Variants in DYSF observed in about 807,000 individuals in gnomAD.
DYSF encodes the protein dystrophy-associated fer-1-like 1.
In DYSF, 212 loss-of-function variants were observed where a neutral mutation model predicts 274.9. The observed-to-expected ratio is 0.77, with a 90% CI of 0.69 to 0.86. The LOEUF (loss-of-function observed/expected upper bound fraction) is 0.86. Ranked by LOEUF, DYSF falls within the 40% of genes least tolerant of loss-of-function variation. The pLI is 0.00. For missense variants in DYSF, 2,666 were observed against 2,783.2 expected, an observed-to-expected ratio of 0.96 and a Z score of 0.95; for synonymous variants, 1,091 against 1,078.7, an observed-to-expected ratio of 1.01 and a Z score of -0.22.
chr2:71,552,598 C>T (rs908112446), intron 19 of DYSF, among the ~76,000 whole-genome samples: 24 of 151,386 alleles, frequency 1.6e-4, no homozygotes, highest in African/African-American at 5.7e-4. Flanking sequence ...AGGGAGAGAC[C>T]CTGAGTGGCA....
chr2:71,463,741 C>G (rs1297792495), upstream of DYSF, among the ~76,000 whole-genome samples: 2 of 152,368 alleles, frequency 1.3e-5, no homozygotes, highest in East Asian at 3.9e-4. Context: ...TTGGGCTTCT[C>G]TATTCATGGC....
chr2:71,522,232 G>C (rs1258392206), intron 12 of DYSF, among the ~76,000 whole-genome samples: 3 of 144,974 alleles, frequency 2.1e-5, no homozygotes, highest in Non-Finnish European at 3.0e-5. Flanking sequence ...CTCTCCTACT[G>C]CTGGTCATCA....
chr2:71,556,620 C>T (rs1039938683), intron 22 of DYSF, among the ~76,000 whole-genome samples: 1 of 152,178 alleles, frequency 6.6e-6, no homozygotes, highest in African/African-American at 2.4e-5. Flanking sequence ...TGAAGAATAA[C>T]TACTTTATAA....
rs777328516 is a variant in DYSF at position 71,553,797 on chromosome 2, T to A, written c.1985-10T>A. 7.5e-7 allele frequency: 1 copy of A among 1,327,794 alleles called. No homozygotes were observed. The highest frequency in any genetic ancestry group is 4.7e-5 in the East Asian group (1 of 21,264). The allele number at this position is 1,327,794 out of a possible 1,614,324, so 82.3% of individuals were successfully genotyped here. A position where few individuals can be genotyped will look rare whatever the true frequency, so the allele number is the denominator to read the frequency against. ...CTGGCACAGCGCTCAGGCCCGTCTC[T>A]CCATTCCAGGGTGCCACTACTACTA... On this transcript the variant is annotated splice_polypyrimidine_tract_variant and intron_variant, in intron 20 of 55. Transcript: ENST00000410020.
intron 1 of DYSF, among the ~76,000 whole-genome samples, chr2:71,474,824 G>A (rs2082281533): frequency 6.6e-6 from 1 of 152,196 alleles, no homozygotes; most frequent in African/African-American, 2.4e-5. Flanking sequence ...ATATCGCTCA[G>A]TTAAGGAAGC....
intron 3 of DYSF, among the ~76,000 whole-genome samples, chr2:71,489,763 C>CT (rs1573469097): frequency 6.6e-6 from 1 of 152,224 alleles, no homozygotes; most frequent in East Asian, 1.9e-4. Flanking sequence ...AATTCTCAGG[C>CT]TGTCCATCAG....
intron 1 of DYSF, among the ~76,000 whole-genome samples, chr2:71,477,442 T>C (rs1573369037): frequency 6.6e-6 from 1 of 152,064 alleles, no homozygotes; most frequent in East Asian, 1.9e-4. Flanking sequence ...TTTAGCCCAC[T>C]AGATGACCGC....
chr2:71,646,980 A>G (rs529465472), intron 42 of DYSF, among the ~76,000 whole-genome samples: 1 of 151,932 alleles, frequency 6.6e-6, no homozygotes, highest in Admixed American at 6.5e-5. Context: ...TTATATAAAT[A>G]AAAGATGTAT....
At chr2:71,461,372 C>T (rs2081280567) in intron 1 of DYSF, among the ~76,000 whole-genome samples, 1 of 152,130 alleles carries the variant, frequency 6.6e-6, no homozygotes, top group Non-Finnish European at 1.5e-5. Flanking sequence ...GGTGGTTCTG[C>T]AAAGAAAGAG....
chr2:71,656,328 A>G (rs1028804074), intron 43 of DYSF, 38 bp downstream of exon 43: 2 of 1,612,090 alleles, frequency 1.2e-6, no homozygotes, highest in Non-Finnish European at 1.7e-6. Context: ...AGGTGGGCCT[A>G]AGACTGTGGT....
intron 54 of DYSF, among the ~76,000 whole-genome samples, 181 bp from the exon 55 acceptor site, chr2:71,682,349 A>T (rs1224368570): frequency 6.6e-6 from 1 of 152,002 alleles, no homozygotes; most frequent in Non-Finnish European, 1.5e-5. Flanking sequence ...GTGATACTGT[A>T]GCAAGGGCTT....
chr2:71,515,898 C>T, intron 8 of DYSF, 147 bp downstream of exon 8: 1 of 1,253,556 alleles, frequency 8.0e-7, no homozygotes, highest in South Asian at 1.4e-5. Flanking sequence ...AGGAGGTTAT[C>T]TGTGGGACTG....
At chr2:71,481,112 G>A (rs192446152) in intron 2 of DYSF, among the ~76,000 whole-genome samples, 174 bp downstream of exon 2, 1 of 152,194 alleles carries the variant, frequency 6.6e-6, no homozygotes, top group Admixed American at 6.5e-5. Flanking sequence ...TGGGAGGAGG[G>A]TTGGTGGCCT....
At chr2:71,626,739 G>A (rs1355466673) in intron 41 of DYSF, among the ~76,000 whole-genome samples, 1 of 151,798 alleles carries the variant, frequency 6.6e-6, no homozygotes, top group African/African-American at 2.4e-5. Flanking sequence ...TGTTGTGTAA[G>A]CCGTAAGATT....
intron 29 of DYSF, among the ~76,000 whole-genome samples, chr2:71,573,524 CA>C (rs1338880093): frequency 3.3e-5 from 5 of 152,194 alleles, no homozygotes; most frequent in Admixed American, 3.3e-4. Flanking sequence ...GAACGAGGTA[CA>C]GGGGTGCCTC....
chr2:71,666,135 A>C (rs2095001129), intron 47 of DYSF, among the ~76,000 whole-genome samples: 1 of 143,172 alleles, frequency 7.0e-6, no homozygotes, highest in South Asian at 2.2e-4. Flanking sequence ...GCCCCCCTTC[A>C]TTCCCTTTTC....
intron 12 of DYSF, among the ~76,000 whole-genome samples, chr2:71,524,065 T>C (rs1481196909): frequency 2.0e-5 from 3 of 152,200 alleles, no homozygotes; most frequent in Non-Finnish European, 4.4e-5. Flanking sequence ...CTTTCCAGAA[T>C]GCTCTTCCAT....
intron 10 of DYSF, 22 bp downstream of exon 10, chr2:71,517,061 A>G (rs752450312): frequency 1.9e-6 from 3 of 1,612,868 alleles, no homozygotes; most frequent in Non-Finnish European, 8.5e-7. Context: ...TTTTCTATGA[A>G]AGCAGTCAGT....
intron 24 of DYSF, among the ~76,000 whole-genome samples, chr2:71,567,548 T>C (rs1337151107): frequency 6.6e-6 from 1 of 152,166 alleles, no homozygotes; most frequent in Non-Finnish European, 1.5e-5. Context: ...TTGACTACCA[T>C]ATTGGATGGT....
Sources: allele counts gnomAD v4.1 joint callset (sites outside exome capture counted in the v4.1 genomes callset), GRCh38; gene constraint gnomAD v4.1.1; transcripts MANE v1.5; gene names NCBI Gene and HGNC (gene_info 2026-07-23, HGNC 2026-07-21).